RBMS1: variants seen among roughly 807,000 people sequenced by gnomAD.
RBMS1 encodes the protein RNA-binding motif, single-stranded-interacting protein 1.
Under a neutral mutation model 62.3 loss-of-function variants are expected in RBMS1, and 17 were observed. The ratio of observed to expected loss-of-function variants is 0.27; its 90% CI spans 0.19 to 0.41. The LOEUF (loss-of-function observed/expected upper bound fraction) is 0.41. Among genes scored for constraint, RBMS1 ranks in the 10% least tolerant of loss-of-function variants. RBMS1 has a pLI of 1.00. For synonymous variants in RBMS1, 172 were observed against 170.0 expected (o/e 1.01, Z -0.09); for missense variants, 334 against 504.5 (o/e 0.66, Z 3.24).
intron 1 of RBMS1, among the ~76,000 whole-genome samples, chr2:160,385,037 C>A (rs552480193): frequency 2.0e-5 from 3 of 152,288 alleles, no homozygotes; most frequent in African/African-American, 7.2e-5. Flanking sequence ...TGCTCCCACT[C>A]TGTCTTCTGC....
chr2:160,350,507 T>C (rs1692434531), intron 2 of RBMS1, among the ~76,000 whole-genome samples: 1 of 152,054 alleles, frequency 6.6e-6, no homozygotes, highest in Non-Finnish European at 1.5e-5. Flanking sequence ...ATATCATTAC[T>C]GTCTACACAA....
At chr2:160,429,703 C>G (rs1196954023) in intron 1 of RBMS1, among the ~76,000 whole-genome samples, 2 of 152,102 alleles carry the variant, frequency 1.3e-5, no homozygotes, top group East Asian at 3.9e-4. Flanking sequence ...AATAAGCATT[C>G]TTATTCATTG....
chr2:160,306,991 A>G (rs1347108385), intron 4 of RBMS1, among the ~76,000 whole-genome samples: 1 of 152,170 alleles, frequency 6.6e-6, no homozygotes, highest in Non-Finnish European at 1.5e-5. Context: ...GTCCCTAGGC[A>G]TGGAAGGGTT....
At chr2:160,392,899 G>GA (rs1468730816) in intron 1 of RBMS1, among the ~76,000 whole-genome samples, 10 of 149,100 alleles carry the variant, frequency 6.7e-5, no homozygotes, top group Admixed American at 2.7e-4. Context: ...CCTGTCTCAA[G>GA]AAAAAAAAAG....
intron 1 of RBMS1, among the ~76,000 whole-genome samples, chr2:160,413,191 C>T (rs1490702006): frequency 6.6e-6 from 1 of 152,102 alleles, no homozygotes; most frequent in Non-Finnish European, 1.5e-5. Flanking sequence ...AAAATTCATT[C>T]AACACTATAT....
At chr2:160,458,892 G>A (rs1432098597) in intron 1 of RBMS1, among the ~76,000 whole-genome samples, 1 of 152,134 alleles carries the variant, frequency 6.6e-6, no homozygotes, top group Non-Finnish European at 1.5e-5. Context: ...TTACTGGATG[G>A]GGCGGGCCCT....
At chr2:160,453,582 C>T (rs1684090019) in intron 1 of RBMS1, among the ~76,000 whole-genome samples, 1 of 152,046 alleles carries the variant, frequency 6.6e-6, no homozygotes, top group African/African-American at 2.4e-5. Flanking sequence ...TATTCATTGC[C>T]CTCTTATGTC....
chr2:160,477,330 G>C (rs1398053545), intron 1 of RBMS1, among the ~76,000 whole-genome samples: 1 of 152,162 alleles, frequency 6.6e-6, no homozygotes, highest in African/African-American at 2.4e-5. Context: ...CTGGGCTACA[G>C]AGCGAGACTC....
chr2:160,337,135 C>CT (rs768216149), intron 2 of RBMS1, among the ~76,000 whole-genome samples: 27,895 of 136,312 alleles, frequency 0.2, 3,267 homozygotes, highest in South Asian at 0.36. Flanking sequence ...TTTTTCTTTT[C>CT]TTTTTTTTTT....
At position 160,337,934 on chromosome 2, in the gene RBMS1, G is replaced by A. The variant is rs147885100; in HGVS notation, c.252-19707C>T. On this transcript the variant is annotated intron_variant, in intron 2 of 13. Transcript: ENST00000348849. ...ATGGATATCAGCTCCATTCACCCCCGACCAGGCATTCTTGTGCTTGTGCAG... is the reference window on the plus strand; with the variant it reads ...ATGGATATCAGCTCCATTCACCCCCAACCAGGCATTCTTGTGCTTGTGCAG... Among the ~76,000 whole-genome samples the A allele has an allele frequency of 2.2e-3, 330 of 152,232 alleles. 2 individuals are homozygous for A. The highest frequency in any genetic ancestry group is 9.5e-3 in the South Asian group (46 of 4,818).
intron 1 of RBMS1, among the ~76,000 whole-genome samples, chr2:160,376,643 TA>T (rs1353232005): frequency 6.6e-6 from 1 of 151,996 alleles, no homozygotes; most frequent in African/African-American, 2.4e-5. Context: ...TATCTTATTT[TA>T]TTTTTTTAAG....
At chr2:160,308,043 T>C (rs1294733669) in intron 4 of RBMS1, among the ~76,000 whole-genome samples, 1 of 152,174 alleles carries the variant, frequency 6.6e-6, no homozygotes, top group Non-Finnish European at 1.5e-5. Context: ...GATTAGTTCA[T>C]TAGAGGAGAG....
At chr2:160,423,603 A>T (rs1318344597) in intron 1 of RBMS1, among the ~76,000 whole-genome samples, 1 of 151,908 alleles carries the variant, frequency 6.6e-6, no homozygotes, top group East Asian at 1.9e-4. Flanking sequence ...CAAGTTGTCT[A>T]CTCTTTTGGG....
At chr2:160,361,576 T>C (rs1441409733) in intron 2 of RBMS1, among the ~76,000 whole-genome samples, 2 of 152,204 alleles carry the variant, frequency 1.3e-5, no homozygotes, top group African/African-American at 4.8e-5. Context: ...CCCAAGCATA[T>C]GTAAAAGTTA....
intron 1 of RBMS1, among the ~76,000 whole-genome samples, chr2:160,478,049 C>G (rs560867767): frequency 1.3e-4 from 20 of 152,242 alleles, no homozygotes; most frequent in Non-Finnish European, 2.8e-4. Flanking sequence ...GCCAATTGCT[C>G]TACCAAAAAG....
chr2:160,280,355 C>T (rs1688041088), intron 10 of RBMS1, among the ~76,000 whole-genome samples: 1 of 152,168 alleles, frequency 6.6e-6, no homozygotes, highest in African/African-American at 2.4e-5. Context: ...GCGCGCCTCT[C>T]CTATTTCATC....
intron 1 of RBMS1, among the ~76,000 whole-genome samples, chr2:160,396,277 GGAATCTGTTTGA>G (rs1695134090): frequency 6.6e-6 from 1 of 152,130 alleles, no homozygotes; most frequent in Non-Finnish European, 1.5e-5. Context: ...CATGGTTTGT[GGAATCTGTTTGA>G]AATATGATTT....
At chr2:160,353,916 C>G (rs1692655283) in intron 2 of RBMS1, among the ~76,000 whole-genome samples, 1 of 152,004 alleles carries the variant, frequency 6.6e-6, no homozygotes, top group Admixed American at 6.6e-5. Flanking sequence ...CTACAAGAAC[C>G]CTACGTTGCA....
chr2:160,449,015 G>T (rs1427317956), intron 1 of RBMS1, among the ~76,000 whole-genome samples: 1 of 150,780 alleles, frequency 6.6e-6, no homozygotes, highest in East Asian at 2.0e-4. Context: ...GAGTGTGTCT[G>T]CCCGGCCACC....
Sources: gnomAD v4.1 joint callset for allele counts (sites outside exome capture counted in the v4.1 genomes callset) on GRCh38, gnomAD v4.1.1 for gene constraint, MANE v1.5 for transcripts, NCBI Gene and HGNC (gene_info 2026-07-23, HGNC 2026-07-21) for gene names.